PDE10A: variants seen among roughly 807,000 people sequenced by gnomAD.
The protein encoded by PDE10A is cAMP and cAMP-inhibited cGMP 3',5'-cyclic phosphodiesterase 10A.
A neutral mutation model predicts 97.7 loss-of-function variants in PDE10A; 39 were observed. The ratio of observed to expected loss-of-function variants is 0.40; its 90% CI spans 0.31 to 0.52. The LOEUF (loss-of-function observed/expected upper bound fraction) is 0.52. Among genes scored for constraint, PDE10A ranks in the 20% least tolerant of loss-of-function variants. The probability of loss-of-function intolerance (pLI) is 0.56; values close to 1 mark genes in which losing one functional copy is unlikely to be tolerated. For missense variants in PDE10A, 731 were observed against 1,047.8 expected, an observed-to-expected ratio of 0.70 and a Z score of 4.17; for synonymous variants, 371 against 376.8, an observed-to-expected ratio of 0.98 and a Z score of 0.18.
intron 5 of PDE10A, among the ~76,000 whole-genome samples, chr6:165,447,395 G>A (rs1790932759): frequency 1.3e-5 from 2 of 152,308 alleles, no homozygotes; most frequent in African/African-American, 4.8e-5. Flanking sequence ...GGGCCCTCAT[G>A]GGCCACATGT....
chr6:165,791,630 C>T (rs1583095436), intron 1 of PDE10A, among the ~76,000 whole-genome samples: 1 of 152,176 alleles, frequency 6.6e-6, no homozygotes, highest in East Asian at 1.9e-4. Context: ...GCTTAGGAGA[C>T]ACGGCTCGTT....
rs143176480 is a variant in PDE10A at position 165,439,385 on chromosome 6, G to A, written c.1195-4008C>T. 1.4e-3 allele frequency among the ~76,000 whole-genome samples: 210 copies of A among 152,162 alleles called. 1 individual carries two copies. Among genetic ancestry groups the A allele is most frequent in the African/African-American group, 4.9e-3 (204 of 41,510 alleles). ...GATAAAAACCACAACTAAAAAACAAGGAAAAACTTTAAAGTTTCAAACATT... is the reference window on the plus strand; with the variant it reads ...GATAAAAACCACAACTAAAAAACAAAGAAAAACTTTAAAGTTTCAAACATT... On this transcript the variant is annotated intron_variant, in intron 5 of 21. Coordinates refer to ENST00000539869, the MANE Select transcript of PDE10A (RefSeq NM_001385079.1).
intron 1 of PDE10A, among the ~76,000 whole-genome samples, chr6:165,958,633 G>A (rs1433256719): frequency 6.7e-6 from 1 of 149,250 alleles, no homozygotes; most frequent in Non-Finnish European, 1.5e-5. Flanking sequence ...AATGAAGGAA[G>A]GAAGAAAGGA....
chr6:165,526,378 T>C (rs1372288409), intron 2 of PDE10A, among the ~76,000 whole-genome samples: 1 of 152,194 alleles, frequency 6.6e-6, no homozygotes, highest in African/African-American at 2.4e-5. Flanking sequence ...ACAATTGGCA[T>C]AGATGTACTT....
chr6:165,604,316 A>G (rs1197379600), intron 1 of PDE10A, among the ~76,000 whole-genome samples: 1 of 152,194 alleles, frequency 6.6e-6, no homozygotes, highest in East Asian at 1.9e-4. Context: ...AATACTTTCA[A>G]TAAGTGAATC....
intron 1 of PDE10A, among the ~76,000 whole-genome samples, chr6:165,683,276 T>C (rs567806410): frequency 3.3e-5 from 5 of 152,146 alleles, no homozygotes; most frequent in East Asian, 1.9e-4. Flanking sequence ...ATTCAGAATA[T>C]ACCAAAGGCC....
At position 165,930,418 on chromosome 6, in the gene PDE10A, G is replaced by A. The variant is rs948141202; in HGVS notation, c.-615+57111C>T. ...ACTTGAATTTCCTTCCTTTGCATGC[G>A]TTCTTTGGGTCTATGGACATGACCA... On this transcript the variant is annotated intron_variant, in intron 1 of 19. Coordinates refer to the PDE10A transcript ENST00000366882. 3.3e-5 allele frequency among the ~76,000 whole-genome samples: 5 copies of A among 152,192 alleles called. No homozygotes were observed. In the South Asian group the frequency reaches 6.2e-4, roughly 19 times the overall value.
Position 165,336,386 on chromosome 6 carries a change from T to C in PDE10A, c.2977-175A>G, listed in dbSNP as rs545276418. On this transcript the variant is annotated intron_variant, in intron 20 of 21. Transcript: ENST00000539869. ...ATGAATACTATTATAGACTGTATTT[T>C]AAAATGCATTAAAATGGATTCTAGA... is the stretch of plus-strand genomic sequence containing the variant. Among the ~76,000 whole-genome samples, 4 of 152,358 alleles carry C rather than the reference T, an allele frequency of 2.6e-5. No homozygotes were observed. The South Asian group carries it at 8.3e-4, about 32-fold the overall frequency.
chr6:165,631,619 A>T (rs1380624718), intron 1 of PDE10A, among the ~76,000 whole-genome samples: 6 of 152,216 alleles, frequency 3.9e-5, no homozygotes, highest in Non-Finnish European at 5.9e-5. Flanking sequence ...GAGTTTCAAC[A>T]TTTTTATTAC....
chr6:165,618,949 GTAGTGCAGTGTAGAC>G (rs1221143841), intron 1 of PDE10A, among the ~76,000 whole-genome samples: 4 of 145,178 alleles, frequency 2.8e-5, no homozygotes, highest in Non-Finnish European at 3.0e-5. Flanking sequence ...GTAGTCTAGT[GTAGTGCAGTGTAGAC>G]TAGTGTAGTG....
At chr6:165,738,144 C>A (rs1850155352) in intron 1 of PDE10A, among the ~76,000 whole-genome samples, 1 of 146,292 alleles carries the variant, frequency 6.8e-6, no homozygotes, top group South Asian at 2.3e-4. Context: ...GTATATCTCC[C>A]AGTGCTATCC....
chr6:165,348,887 C>T (rs1043564017), intron 18 of PDE10A, among the ~76,000 whole-genome samples: 5 of 152,126 alleles, frequency 3.3e-5, no homozygotes, highest in South Asian at 2.1e-4. Context: ...CCTGCTGCCA[C>T]GTGAAGAAGG....
intron 1 of PDE10A, among the ~76,000 whole-genome samples, chr6:165,551,523 C>A (rs539588212): frequency 6.6e-6 from 1 of 152,224 alleles, no homozygotes; most frequent in East Asian, 1.9e-4. Context: ...GAATTATAAT[C>A]CCCAAAATAT....
chr6:165,840,540 C>A (rs922092653), intron 1 of PDE10A, among the ~76,000 whole-genome samples: 5 of 152,186 alleles, frequency 3.3e-5, no homozygotes, highest in Non-Finnish European at 5.9e-5. Context: ...CTTGAAGGCG[C>A]TGGCTCACCT....
At chr6:165,915,567 G>A (rs1211574823) in intron 1 of PDE10A, among the ~76,000 whole-genome samples, 1 of 152,154 alleles carries the variant, frequency 6.6e-6, no homozygotes, top group Admixed American at 6.5e-5. Flanking sequence ...GCTGGGAGTG[G>A]AGCTGGGTCT....
chr6:165,361,784 G>A (rs965167783), intron 18 of PDE10A, among the ~76,000 whole-genome samples: 2 of 152,150 alleles, frequency 1.3e-5, no homozygotes, highest in East Asian at 1.9e-4. Flanking sequence ...TGAACTTACT[G>A]TCCTTCTGAA....
intron 1 of PDE10A, among the ~76,000 whole-genome samples, chr6:165,898,015 C>T (rs1282800439): frequency 6.6e-6 from 1 of 151,028 alleles, no homozygotes; most frequent in South Asian, 2.1e-4. Context: ...CTGTAACCCA[C>T]CCCCTTGTAC....
At chr6:165,666,900 C>G (rs940422659), upstream of PDE10A, among the ~76,000 whole-genome samples, 5 of 152,310 alleles carry the variant, frequency 3.3e-5, no homozygotes, top group East Asian at 1.9e-4. Flanking sequence ...CTATTCATAG[C>G]CTTTAATGAA....
chr6:165,499,744 T>C lies in PDE10A; in HGVS notation c.995-17401A>G, dbSNP rs1338231823. On this transcript the variant is annotated intron_variant, in intron 2 of 21. Coordinates refer to ENST00000539869, the MANE Select transcript of PDE10A (RefSeq NM_001385079.1). ...ATGTTCCATTTTTGCTCATGAATGA[T>C]TAACTGCTACAGAAATTGCCTTCTA... is the stretch of plus-strand genomic sequence containing the variant. Among the ~76,000 whole-genome samples, 3 of 152,190 alleles carry C rather than the reference T, an allele frequency of 2.0e-5. No individual in the cohort carries two copies. The East Asian group carries it at 5.8e-4, about 29-fold the overall frequency.
Sources: allele counts gnomAD v4.1 joint callset (sites outside exome capture counted in the v4.1 genomes callset), GRCh38; gene constraint gnomAD v4.1.1; transcripts MANE v1.5; gene names NCBI Gene and HGNC (gene_info 2026-07-23, HGNC 2026-07-21).